The following CPSF4 variants were observed in gnomAD, a reference collection of about 807,000 sequenced individuals.
The protein encoded by CPSF4 is cleavage and polyadenylation specific factor 4, also known as cleavage and polyadenylation specificity factor subunit 4.
In CPSF4, 11 loss-of-function variants were observed where a neutral mutation model predicts 37.7. That is an observed-to-expected ratio of 0.29 (90% CI 0.18 to 0.48). The LOEUF (loss-of-function observed/expected upper bound fraction) is 0.48, where lower values mean the gene tolerates loss of function less well. Ranked by LOEUF, CPSF4 falls within the 20% of genes least tolerant of loss-of-function variation. The probability of loss-of-function intolerance (pLI) is 0.99; values close to 1 mark genes in which losing one functional copy is unlikely to be tolerated. For synonymous variants in CPSF4, 132 were observed against 135.9 expected (o/e 0.97, Z 0.20); for missense variants, 144 against 359.5 (o/e 0.40, Z 4.85).
chr7:99,442,846 A>C, intron 1 of CPSF4: 1 of 998,782 alleles, frequency 1.0e-6, no homozygotes, highest in Non-Finnish European at 1.6e-6. Context: ...AGAGAAGTGG[A>C]AAACACTGGA....
At chr7:99,442,655 CAAAAAAAAAAA>C (rs751146641) in intron 1 of CPSF4, among the ~76,000 whole-genome samples, 7 of 52,500 alleles carry the variant, frequency 1.3e-4, no homozygotes, top group African/African-American at 4.5e-4. Flanking sequence ...GACTCCGTCT[CAAAAAAAAAAA>C]AAAAAAAAAC....
At chr7:99,439,403 T>C in intron 1 of CPSF4, 1 of 480,860 alleles carries the variant, frequency 2.1e-6, no homozygotes, top group Non-Finnish European at 3.7e-6. Flanking sequence ...GTTACCGAAC[T>C]CCCTCATCTG....
chr7:99,456,534 GC>G lies in CPSF4; in HGVS notation c.*38del. The stretch of plus-strand genomic sequence containing the variant: ...GGAGCCAGCTCCGAGCAGCCCGGGG[GC>G]CCCGCTGTTGGGAGTGTGCATTTAA... On this transcript the variant is annotated 3_prime_UTR_variant, in exon 8 of 8. Coordinates refer to ENST00000292476, the MANE Select transcript of CPSF4 (RefSeq NM_006693.4). 1 of 1,596,638 alleles carries G rather than the reference GC, an allele frequency of 6.3e-7. No homozygotes were observed.
In CPSF4 at chr7:99,442,750, G is replaced by A. The variant is rs375966173; in HGVS notation, c.104-2039G>A. ...TGAAACAGCAATAAGTCAAACTGCC[G>A]CGGCAGTTCACAGTTTTACCTGGGG... is the stretch of plus-strand genomic sequence containing the variant. On this transcript the variant is annotated intron_variant, in intron 1 of 7. Coordinates refer to ENST00000292476, the MANE Select transcript of CPSF4 (RefSeq NM_006693.4). The A allele has an allele frequency of 2.8e-4, 157 of 561,702 alleles. 1 individual carries two copies. The highest frequency in any genetic ancestry group is 2.1e-3 in the African/African-American group (111 of 52,452). The allele number at this position is 561,702 out of a possible 1,614,324, so 34.8% of individuals were successfully genotyped here.
At chr7:99,443,494 C>T (rs1427341970) in intron 1 of CPSF4, 8 of 800,110 alleles carry the variant, frequency 1.0e-5, no homozygotes, top group Non-Finnish European at 1.8e-5. Context: ...TCTCAGTTAC[C>T]ATCTTGTTAC....
At chr7:99,440,674 A>ATATTTTTTTTT in intron 1 of CPSF4, among the ~76,000 whole-genome samples, 6 of 88,128 alleles carry the variant, frequency 6.8e-5, no homozygotes, top group African/African-American at 4.8e-4. Context: ...ATATATATAT[A>ATATTTTTTTTT]TTTTTTTTTT....
In CPSF4 at chr7:99,453,944, C is replaced by T. The variant is rs1267736779; in HGVS notation, c.571-22C>T. On this transcript the variant is annotated intron_variant, in intron 6 of 7. Coordinates refer to ENST00000292476, the MANE Select transcript of CPSF4 (RefSeq NM_006693.4). This position sits in a 1 kb window ranked among gnomAD's most constrained non-coding sequence, Gnocchi z 4.7. ...GTGCACGTGTTTTCCACAGTAAAAC[C>T]GTGTTGTGTAACTCTTTCCAGCAAA... 2.5e-6 allele frequency: 4 copies of T among 1,610,928 alleles called. No individual in the cohort carries two copies. The highest frequency in any genetic ancestry group is 2.2e-5 in the East Asian group (1 of 44,834).
At chr7:99,447,692 C>T in intron 2 of CPSF4, 1 of 370,456 alleles carries the variant, frequency 2.7e-6, no homozygotes, top group Non-Finnish European at 5.6e-6. Context: ...CGGGTTCACG[C>T]TGTTGTCCTG....
In CPSF4 at chr7:99,446,487, G is replaced by A. The variant is rs1029553668; in HGVS notation, c.155-1634G>A. ...CCATGGTGGTCTTGCCAGGCCACCC[G>A]TTAGAAGTCTCACACATCCCCAGAG... On this transcript the variant is annotated intron_variant, in intron 2 of 7. Transcript: ENST00000292476. Among the ~76,000 whole-genome samples, 91 of 152,222 alleles carry A rather than the reference G, an allele frequency of 6.0e-4. 1 individual carries two copies. Among genetic ancestry groups the A allele is most frequent in the Admixed American group, 1.1e-3 (17 of 15,280 alleles).
Position 99,439,200 on chromosome 7 carries a change from CG to C in CPSF4, c.103+18del, listed in dbSNP as rs1175906573. 2 of 1,553,838 alleles carry C rather than the reference CG, an allele frequency of 1.3e-6. No homozygotes were observed. The highest frequency in any genetic ancestry group is 1.8e-5 in the Admixed American group (1 of 56,394). The stretch of plus-strand genomic sequence containing the variant: ...CGGCATGGACAGTGAGCGCGGGGCC[CG>C]GGCGGGAGGGCAAGAGCGACTCGAA... On this transcript the variant is annotated intron_variant, in intron 1 of 7. Coordinates refer to ENST00000292476, the MANE Select transcript of CPSF4 (RefSeq NM_006693.4).
intron 7 of CPSF4, 130 bp downstream of exon 7, chr7:99,454,266 TAC>T (rs1325754111): frequency 1.2e-6 from 1 of 864,806 alleles, no homozygotes; most frequent in East Asian, 2.6e-5. Flanking sequence ...AGCATAAAGT[TAC>T]AGTCTAGTTA....
At position 99,454,016 on chromosome 7, in the gene CPSF4, G is replaced by C. The variant is rs756069354; in HGVS notation, c.621G>C (p.Thr207=). 1.2e-6 allele frequency: 2 copies of C among 1,614,194 alleles called. No individual in the cohort carries two copies. Among genetic ancestry groups the C allele is most frequent in the South Asian group, 2.2e-5 (2 of 91,080 alleles). Residue 207 remains threonine (T), a synonymous_variant, in exon 7 of 8, where the codon ACG becomes ACC. Coordinates refer to ENST00000292476, the MANE Select transcript of CPSF4 (RefSeq NM_006693.4). ...LQRSSSLIQL[T]SQNSSPNQQR... ...GGTCGTCCTCCTTGATCCAGTTAAC[G>C]AGTCAGAACTCTTCTCCCAATCAGC...
At chr7:99,445,087 C>T (rs1228654681) in intron 2 of CPSF4, among the ~76,000 whole-genome samples, 4 of 152,228 alleles carry the variant, frequency 2.6e-5, no homozygotes, top group Non-Finnish European at 5.9e-5. Flanking sequence ...ACAAGCTGAC[C>T]TGTGACATGG....
At chr7:99,445,765 T>G (rs532924752) in intron 2 of CPSF4, among the ~76,000 whole-genome samples, 1 of 152,128 alleles carries the variant, frequency 6.6e-6, no homozygotes, top group Admixed American at 6.5e-5. Flanking sequence ...CCGTCTGTAA[T>G]CCCAGCTACT....
intron 7 of CPSF4, 96 bp from the exon 8 acceptor site, chr7:99,456,336 G>T (rs1230008523): frequency 9.6e-7 from 1 of 1,040,824 alleles, no homozygotes; most frequent in South Asian, 1.3e-5. Context: ...CTTGGTGGAT[G>T]ATTTGGGATT....
At position 99,439,558 on chromosome 7, in the gene CPSF4, C is replaced by A. The variant is rs1024580670; in HGVS notation, c.103+373C>A. 8.0e-5 allele frequency: 16 copies of A among 199,002 alleles called. No homozygotes were observed. In the East Asian group the frequency reaches 1.3e-3, roughly 16 times the overall value. The allele number at this position is 199,002 out of a possible 1,614,324, so 12.3% of individuals were successfully genotyped here. On this transcript the variant is annotated intron_variant, in intron 1 of 7. Transcript: ENST00000292476. ...TTACCCTCACTCGGACTCAGGAGTT[C>A]ACTGCCTCGGATCTTTGGCCCTCTG...
At chr7:99,455,163 G>A (rs1206347014) in intron 7 of CPSF4, among the ~76,000 whole-genome samples, 2 of 152,180 alleles carry the variant, frequency 1.3e-5, no homozygotes, top group Non-Finnish European at 2.9e-5. Flanking sequence ...TGCAGCAAGC[G>A]CCCTTAAGTC....
chr7:99,445,903 AAAAG>A (rs549716550), intron 2 of CPSF4, among the ~76,000 whole-genome samples: 149 of 152,318 alleles, frequency 9.8e-4, no homozygotes, highest in African/African-American at 3.0e-3. Context: ...AAACAAAAAA[AAAAG>A]AAAGAAAGAA....
chr7:99,446,338 A>G (rs140104047), intron 2 of CPSF4, among the ~76,000 whole-genome samples: 22 of 152,310 alleles, frequency 1.4e-4, no homozygotes, highest in Middle Eastern at 3.4e-3. Context: ...GTAAAATCAA[A>G]TCACATTTAA....
Sources: allele counts gnomAD v4.1 joint callset (sites outside exome capture counted in the v4.1 genomes callset), GRCh38; gene constraint gnomAD v4.1.1; non-coding constraint Gnocchi (gnomAD v3.1); transcripts MANE v1.5; gene names NCBI Gene and HGNC (gene_info 2026-07-23, HGNC 2026-07-21).